Variants in UNC13C observed in about 807,000 individuals in gnomAD.
UNC13C encodes protein unc-13 homolog C.
UNC13C carries 174 observed loss-of-function variants against 245.4 expected under a neutral mutation model. The observed-to-expected ratio is 0.71, with a 90% CI of 0.63 to 0.80. UNC13C has a LOEUF of 0.80. Ranked by LOEUF, UNC13C falls within the 30% of genes least tolerant of loss-of-function variation. The pLI is 0.00. For synonymous variants in UNC13C, 992 were observed against 895.1 expected, an observed-to-expected ratio of 1.11 and a Z score of -1.93; for missense variants, 2,829 against 2,602.9, an observed-to-expected ratio of 1.09 and a Z score of -1.89.
chr15:54,461,494 A>C, intron 19 of UNC13C, among the ~76,000 whole-genome samples: 1 of 152,142 alleles, frequency 6.6e-6, no homozygotes, highest in East Asian at 1.9e-4. Flanking sequence ...GTTAGTCTAT[A>C]ATTTGATTTA....
chr15:53,983,990 A>G (rs1353027864), intron 1 of UNC13C, among the ~76,000 whole-genome samples: 3 of 151,992 alleles, frequency 2.0e-5, no homozygotes, highest in African/African-American at 4.8e-5. Flanking sequence ...CCCTAGTTCA[A>G]GTTCTTATAA....
chr15:54,419,889 A>C (rs948818127), intron 19 of UNC13C, among the ~76,000 whole-genome samples: 1 of 152,042 alleles, frequency 6.6e-6, no homozygotes, highest in Admixed American at 6.5e-5. Flanking sequence ...CTTGGTACTC[A>C]CTCAAGTATG....
intron 2 of UNC13C, among the ~76,000 whole-genome samples, chr15:54,090,538 G>A (rs183752662): frequency 4.1e-4 from 63 of 152,264 alleles, no homozygotes; most frequent in African/African-American, 1.5e-3. Context: ...TTAGAAAGTG[G>A]CAACGTCAAG....
At chr15:54,184,916 C>T (rs183034186) in intron 4 of UNC13C, among the ~76,000 whole-genome samples, 5,443 of 152,158 alleles carry the variant, frequency 0.036, 143 homozygotes, top group Middle Eastern at 0.078. Context: ...TCTCCACATC[C>T]TCTCCAGCAC....
intron 2 of UNC13C, among the ~76,000 whole-genome samples, chr15:54,132,760 T>G (rs934546603): frequency 6.6e-6 from 1 of 152,158 alleles, no homozygotes; most frequent in African/African-American, 2.4e-5. Flanking sequence ...TTTAATATGG[T>G]GACAAATAGA....
chr15:53,983,851 T>A (rs1894021129), intron 1 of UNC13C, among the ~76,000 whole-genome samples: 1 of 152,042 alleles, frequency 6.6e-6, no homozygotes, highest in Non-Finnish European at 1.5e-5. Flanking sequence ...TTGCTTCAGC[T>A]TCTCAGACCC....
the UNC13C span, among the ~76,000 whole-genome samples, chr15:53,860,087 T>C: frequency 6.6e-6 from 1 of 152,202 alleles, no homozygotes; most frequent in South Asian, 2.1e-4. Flanking sequence ...CTTCTCTTTC[T>C]AGATATTGAT....
the UNC13C span, among the ~76,000 whole-genome samples, chr15:53,926,781 C>A: frequency 1.3e-5 from 2 of 152,110 alleles, no homozygotes; most frequent in Non-Finnish European, 2.9e-5. Context: ...GGTGGGAGTT[C>A]ACTTCATGTT....
chr15:54,462,981 ACT>A (rs1891939864), intron 19 of UNC13C, among the ~76,000 whole-genome samples: 1 of 151,656 alleles, frequency 6.6e-6, no homozygotes, highest in Admixed American at 6.6e-5. Context: ...ACCAATCAGC[ACT>A]CTGTGTCTAG....
chr15:54,482,184 T>C (rs556149084), intron 19 of UNC13C, among the ~76,000 whole-genome samples: 1 of 152,130 alleles, frequency 6.6e-6, no homozygotes, highest in Non-Finnish European at 1.5e-5. Flanking sequence ...GCTAGTGTCA[T>C]GATACTGCAG....
chr15:54,257,969 C>A (rs141656371), intron 8 of UNC13C, among the ~76,000 whole-genome samples: 1 of 152,104 alleles, frequency 6.6e-6, no homozygotes, highest in East Asian at 1.9e-4. Flanking sequence ...GAAAGCAGGC[C>A]CACCTACATG....
intron 2 of UNC13C, among the ~76,000 whole-genome samples, chr15:54,054,906 C>T (rs933059538): frequency 6.6e-6 from 1 of 152,102 alleles, no homozygotes; most frequent in Non-Finnish European, 1.5e-5. Flanking sequence ...TTGCTTAGTG[C>T]TCATGAAGTC....
Position 54,060,370 on chromosome 15 carries a change from C to T in UNC13C, c.2983+44484C>T, listed in dbSNP as rs566914299. 3.7e-3 allele frequency among the ~76,000 whole-genome samples: 570 copies of T among 152,134 alleles called. 6 individuals are homozygous for T. Among genetic ancestry groups the T allele is most frequent in the African/African-American group, 0.013 (557 of 41,506 alleles). ...CAGCCAACAGACACATGAAAAAATG[C>T]TCATCATCACTGGCCATCAGAGAAA... On this transcript the variant is annotated intron_variant, in intron 2 of 32. Coordinates refer to ENST00000260323, the MANE Select transcript of UNC13C (RefSeq NM_001080534.3).
Position 54,097,688 on chromosome 15 carries a change from T to C in UNC13C, c.2984-45330T>C, listed in dbSNP as rs28711192. ...TCAAGTCCTCATGTAATTCATCTAG[T>C]AGTAATTCATCCATTTGTTCACCTG... On this transcript the variant is annotated intron_variant, in intron 2 of 32. Coordinates refer to ENST00000260323, the MANE Select transcript of UNC13C (RefSeq NM_001080534.3). Among the ~76,000 whole-genome samples the C allele has an allele frequency of 4.5e-3, 686 of 152,300 alleles. 7 individuals are homozygous for C. The highest frequency in any genetic ancestry group is 0.016 in the African/African-American group (661 of 41,566).
intron 13 of UNC13C, among the ~76,000 whole-genome samples, chr15:54,307,905 C>CT (rs2037769618): frequency 6.6e-6 from 1 of 152,030 alleles, no homozygotes; most frequent in South Asian, 2.1e-4. Flanking sequence ...TAACTTATCA[C>CT]TGATAAGTTA....
chr15:54,269,049 T>TTTA (rs2036619291), intron 10 of UNC13C, among the ~76,000 whole-genome samples: 2 of 151,070 alleles, frequency 1.3e-5, no homozygotes, highest in African/African-American at 4.9e-5. Context: ...TTTTTTTAAT[T>TTTA]TTTTATTTTA....
At chr15:54,062,028 C>G (rs1897862756) in intron 2 of UNC13C, among the ~76,000 whole-genome samples, 2 of 152,046 alleles carry the variant, frequency 1.3e-5, no homozygotes, top group Non-Finnish European at 2.9e-5. Flanking sequence ...TCTTAAGAAT[C>G]TCCATCCTCA....
the UNC13C span, among the ~76,000 whole-genome samples, chr15:53,866,029 A>G: frequency 2.9e-3 from 440 of 152,308 alleles, 1 homozygote; most frequent in African/African-American, 0.01. Flanking sequence ...ATTACCACAA[A>G]GAAATAATTT....
At chr15:54,403,431 A>G (rs1311967528) in intron 18 of UNC13C, among the ~76,000 whole-genome samples, 2 of 152,038 alleles carry the variant, frequency 1.3e-5, no homozygotes, top group South Asian at 2.1e-4. Context: ...AAAACTTTTA[A>G]AAAGTGGAAG....
Sources: gnomAD v4.1 joint callset for allele counts (sites outside exome capture counted in the v4.1 genomes callset) on GRCh38, gnomAD v4.1.1 for gene constraint, MANE v1.5 for transcripts, NCBI Gene and HGNC (gene_info 2026-07-23, HGNC 2026-07-21) for gene names.